GNAO1: variants seen among roughly 807,000 people sequenced by gnomAD.
GNAO1 encodes G protein subunit alpha o1.
For synonymous variants in GNAO1, 164 were observed against 180.7 expected, an observed-to-expected ratio of 0.91 and a Z score of 0.74; for missense variants, 166 against 478.7, an observed-to-expected ratio of 0.35 and a Z score of 6.10.
At chr16:56,240,369 T>C (rs1272056004) in intron 2 of GNAO1, among the ~76,000 whole-genome samples, 1 of 152,174 alleles carries the variant, frequency 6.6e-6, no homozygotes, top group Non-Finnish European at 1.5e-5. Context: ...CCCGTGCTGG[T>C]GCCTTGCCTC....
intron 3 of GNAO1, among the ~76,000 whole-genome samples, chr16:56,316,906 A>T (rs1285063005): frequency 6.6e-6 from 1 of 152,212 alleles, no homozygotes; most frequent in Non-Finnish European, 1.5e-5. Flanking sequence ...TGCACCAGCC[A>T]CTGACAGGTG....
In GNAO1 at chr16:56,191,986, C is replaced by T. The variant is rs1200254258; in HGVS notation, c.-250C>T. 1.9e-6 allele frequency: 1 copy of T among 539,672 alleles called. No homozygotes were observed. The highest frequency in any genetic ancestry group is 3.3e-6 in the Non-Finnish European group (1 of 305,846). The allele number at this position is 539,672 out of a possible 1,614,324, so 33.4% of individuals were successfully genotyped here. On this transcript the variant is annotated 5_prime_UTR_variant, in exon 1 of 9. Coordinates refer to ENST00000262493, the MANE Select transcript of GNAO1 (RefSeq NM_020988.3). The surrounding 1 kb of genome is among the most constrained non-coding windows in gnomAD (Gnocchi z 4.7). ...CTCCCTTGGCTCCGGAGCCCCAGAC[C>T]CCGGCCACCCTCGATTCGACAACCC...
At chr16:56,347,470 C>T in intron 6 of GNAO1, 1 of 985,566 alleles carries the variant, frequency 1.0e-6, no homozygotes, top group Non-Finnish European at 1.2e-6. Flanking sequence ...AGAGTCCTGA[C>T]CCCTGACCCC....
chr16:56,255,749 A>G (rs2036840686), intron 2 of GNAO1, among the ~76,000 whole-genome samples: 1 of 150,750 alleles, frequency 6.6e-6, no homozygotes, highest in East Asian at 1.9e-4. Flanking sequence ...TACTTCTAGA[A>G]CTCCCAATAT....
intron 2 of GNAO1, among the ~76,000 whole-genome samples, chr16:56,195,729 A>G (rs1177998187): frequency 3.9e-5 from 6 of 152,232 alleles, no homozygotes; most frequent in African/African-American, 1.4e-4. Flanking sequence ...CTGCAGTCTA[A>G]TAGCTCAGCA....
chr16:56,308,767 G>A (rs1217571259), intron 3 of GNAO1, among the ~76,000 whole-genome samples: 1 of 152,176 alleles, frequency 6.6e-6, no homozygotes, highest in African/African-American at 2.4e-5. Flanking sequence ...CAGAGAAGAG[G>A]AGAAGTGGGC....
chr16:56,346,044 T>G, intron 6 of GNAO1: 1 of 985,390 alleles, frequency 1.0e-6, no homozygotes, highest in Non-Finnish European at 1.2e-6. Flanking sequence ...GAGGAGTGGG[T>G]GCTCAGCCCT....
At chr16:56,310,259 G>T (rs2037442560) in intron 3 of GNAO1, among the ~76,000 whole-genome samples, 1 of 152,170 alleles carries the variant, frequency 6.6e-6, no homozygotes, top group Non-Finnish European at 1.5e-5. Flanking sequence ...GAGCCTGGGG[G>T]GTTCGAGGTT....
chr16:56,287,164 G>T (rs968332267), intron 3 of GNAO1, among the ~76,000 whole-genome samples: 1 of 152,234 alleles, frequency 6.6e-6, no homozygotes, highest in Non-Finnish European at 1.5e-5. Flanking sequence ...CACTGTGGCC[G>T]CAGCAGGGGG....
Position 56,191,924 on chromosome 16 carries a change from G to T in GNAO1, c.-312G>T. The T allele has an allele frequency of 2.3e-6, 1 of 441,518 alleles. No homozygotes were observed. Among genetic ancestry groups the T allele is most frequent in the Non-Finnish European group, 4.1e-6 (1 of 246,842 alleles). 27.4% of individuals were successfully genotyped at this position (441,518 alleles called of 1,614,324 possible). A position where few individuals can be genotyped will look rare whatever the true frequency, so the allele number is the denominator to read the frequency against. ...TTTTGGGTCGTGCACAAGCCTCAGT[G>T]CCTGCAGTCCGCGCCTCCTCGGCCC... On this transcript the variant is annotated 5_prime_UTR_variant, in exon 1 of 9. Coordinates refer to ENST00000262493, the MANE Select transcript of GNAO1 (RefSeq NM_020988.3). This position sits in a 1 kb window ranked among gnomAD's most constrained non-coding sequence, Gnocchi z 4.7.
intron 3 of GNAO1, among the ~76,000 whole-genome samples, chr16:56,301,467 C>G (rs2037342926): frequency 6.6e-6 from 1 of 152,244 alleles, no homozygotes; most frequent in African/African-American, 2.4e-5. Flanking sequence ...CTCTGACTTG[C>G]TGTCAGTGAT....
chr16:56,220,738 TTTGTTGTTG>T (rs55730508), intron 2 of GNAO1, among the ~76,000 whole-genome samples: 1 of 151,340 alleles, frequency 6.6e-6, no homozygotes, highest in African/African-American at 2.4e-5. Flanking sequence ...GCGTGGGTTT[TTTGTTGTTG>T]TTGTTGTTGT....
At chr16:56,235,227 G>T (rs753043389) in intron 2 of GNAO1, 6 of 437,442 alleles carry the variant, frequency 1.4e-5, no homozygotes, top group Non-Finnish European at 2.7e-5. Context: ...CAAAGAGATT[G>T]CAGGACTTCC....
intron 2 of GNAO1, among the ~76,000 whole-genome samples, chr16:56,233,600 A>G (rs77467936): frequency 6.6e-6 from 1 of 152,174 alleles, no homozygotes; most frequent in Non-Finnish European, 1.5e-5. Context: ...TGGCAGTGTC[A>G]TCTGAATGTT....
intron 4 of GNAO1, among the ~76,000 whole-genome samples, chr16:56,333,997 C>T (rs1188311453): frequency 6.6e-6 from 1 of 152,274 alleles, no homozygotes; most frequent in East Asian, 1.9e-4. Context: ...CAGGCAGCGT[C>T]CTCTGAGTGC....
chr16:56,227,848 C>G (rs2036546965), intron 2 of GNAO1, among the ~76,000 whole-genome samples: 1 of 151,896 alleles, frequency 6.6e-6, no homozygotes, highest in Admixed American at 6.6e-5. Flanking sequence ...GTTTTTCTGC[C>G]TTTTGGCCTT....
intron 2 of GNAO1, among the ~76,000 whole-genome samples, chr16:56,202,666 A>G (rs2036291625): frequency 6.6e-6 from 1 of 152,206 alleles, no homozygotes; most frequent in Admixed American, 6.5e-5. Context: ...CTGTAGAGAA[A>G]TTCTAGGGCA....
chr16:56,293,073 G>A (rs904262785), intron 3 of GNAO1, among the ~76,000 whole-genome samples: 2 of 152,250 alleles, frequency 1.3e-5, no homozygotes, highest in Admixed American at 1.3e-4. Flanking sequence ...CCAGTGGACT[G>A]GGGAAGGTCA....
rs2037722420 is a variant in GNAO1 at position 56,334,623 on chromosome 16, T to C, written c.465-106T>C. 3.3e-6 allele frequency: 4 copies of C among 1,204,904 alleles called. No individual in the cohort carries two copies. In the Admixed American group the frequency reaches 8.2e-5, roughly 25 times the overall value. The allele number at this position is 1,204,904 out of a possible 1,614,324, so 74.6% of individuals were successfully genotyped here. Reference sequence around the variant, plus strand: ...AGGTGATGTCTTTTCCACAGTGACCTGGAGGGGCCCTGACCGAGACTGGAC... The same window carrying C: ...AGGTGATGTCTTTTCCACAGTGACCCGGAGGGGCCCTGACCGAGACTGGAC... On this transcript the variant is annotated intron_variant, in intron 4 of 8. Transcript: ENST00000262493.
Sources: allele counts gnomAD v4.1 joint callset (sites outside exome capture counted in the v4.1 genomes callset), GRCh38; gene constraint gnomAD v4.1.1; non-coding constraint Gnocchi (gnomAD v3.1); transcripts MANE v1.5; gene names NCBI Gene and HGNC (gene_info 2026-07-23, HGNC 2026-07-21).